WDR44: variants seen among roughly 807,000 people sequenced by gnomAD.
WDR44 encodes WD repeat-containing protein 44.
WDR44 carries 9 observed loss-of-function variants against 65.7 expected under a neutral mutation model. That is an observed-to-expected ratio of 0.14 (90% CI 0.08 to 0.24). The LOEUF (loss-of-function observed/expected upper bound fraction) is 0.24, where lower values mean the gene tolerates loss of function less well. Among genes scored for constraint, WDR44 ranks in the 10% least tolerant of loss-of-function variants. The probability of loss-of-function intolerance (pLI) is 1.00; values close to 1 mark genes in which losing one functional copy is unlikely to be tolerated. For missense variants in WDR44, 425 were observed against 670.9 expected (o/e 0.63, Z 4.05); for synonymous variants, 220 against 235.2 (o/e 0.94, Z 0.59).
At chrX:118,387,729 C>G (rs1038447446) in intron 3 of WDR44, among the ~76,000 whole-genome samples, 2 of 111,624 alleles carry the variant, frequency 1.8e-5, no homozygotes, top group African/African-American at 3.3e-5. Flanking sequence ...TTGAAAAGCT[C>G]AGTGCAGCAA....
chrX:118,371,007 C>A (rs35215424), intron 1 of WDR44, among the ~76,000 whole-genome samples: 12,727 of 110,316 alleles, frequency 0.12, 676 homozygotes, highest in Admixed American at 0.25. Context: ...GGAATTCAAA[C>A]AACTCAGTAG....
At chrX:118,378,354 T>C in intron 1 of WDR44, 65 bp from the exon 2 acceptor site, 2 of 890,581 alleles carry the variant, frequency 2.2e-6, no homozygotes, top group Non-Finnish European at 3.2e-6. Flanking sequence ...CTGTAGTAAG[T>C]GTATAGAAGT....
In WDR44 at chrX:118,387,346, G is replaced by A; in HGVS notation, c.118G>A (p.Glu40Lys). 1 of 1,188,929 alleles carries A rather than the reference G, an allele frequency of 8.4e-7. No homozygotes were observed. Among genetic ancestry groups the A allele is most frequent in the Non-Finnish European group, 1.1e-6 (1 of 883,042 alleles). Residue 40 changes from glutamate (E) to lysine (K), a missense_variant, in exon 3 of 20, where the codon GAG (glutamate) becomes AAG (lysine). Around this residue, in one of 5 missense-constraint regions of WDR44, gnomAD observed 193 missense variants for 209.0 expected, o/e 0.92. Coordinates refer to ENST00000254029, the MANE Select transcript of WDR44 (RefSeq NM_019045.5). ...TCTTTTCTTTTTCAAACAGGAAACA[G>A]AGAACACTGCATACAAAGTTGGAAA... ...KVGLSTFKET[E>K]NTAYKVGNES...
At chrX:118,372,414 C>A (rs991516267) in intron 1 of WDR44, among the ~76,000 whole-genome samples, 6 of 111,647 alleles carry the variant, frequency 5.4e-5, no homozygotes, top group African/African-American at 2.0e-4. Flanking sequence ...TCTACTGTTA[C>A]TATCTCTACT....
At position 118,346,443 on chromosome X, in the gene WDR44, G is replaced by A; in HGVS notation, c.-61G>A. ...CCCGGGTGGAGGTCGACGAGGAGGA[G>A]ACAAGAGTCACCCTTCCTCCAGGCG... is the stretch of plus-strand genomic sequence containing the variant. On this transcript the variant is annotated 5_prime_UTR_variant, in exon 1 of 20. Coordinates refer to ENST00000254029, the MANE Select transcript of WDR44 (RefSeq NM_019045.5). 9.4e-7 allele frequency: 1 copy of A among 1,068,720 alleles called. No individual in the cohort carries two copies. Among genetic ancestry groups the A allele is most frequent in the Non-Finnish European group, 1.3e-6 (1 of 767,215 alleles). The allele number at this position is 1,068,720 out of a possible 1,213,427, so 88.1% of individuals were successfully genotyped here.
At chrX:118,382,707 G>C (rs2056730169) in intron 2 of WDR44, among the ~76,000 whole-genome samples, 1 of 110,982 alleles carries the variant, frequency 9.0e-6, no homozygotes. Context: ...AATACTGCAG[G>C]GGGGTTATAG....
rs950395511 is a variant in WDR44, at chrX:118,346,428, G to A, written c.-76G>A. 1 of 938,167 alleles carries A rather than the reference G, an allele frequency of 1.1e-6. No individual in the cohort carries two copies. Among genetic ancestry groups the A allele is most frequent in the Non-Finnish European group, 1.5e-6 (1 of 652,863 alleles). 77.3% of individuals were successfully genotyped at this position (938,167 alleles called of 1,213,427 possible). A position where few individuals can be genotyped will look rare whatever the true frequency, so the allele number is the denominator to read the frequency against. ...ACTTCCCCAGTCTCGCCCGGGTGGA[G>A]GTCGACGAGGAGGAGACAAGAGTCA... On this transcript the variant is annotated 5_prime_UTR_variant, in exon 1 of 20. Transcript: ENST00000254029.
At chrX:118,378,376 C>T (rs1047824323) in intron 1 of WDR44, 43 bp from the exon 2 acceptor site, 2 of 1,122,125 alleles carry the variant, frequency 1.8e-6, no homozygotes, top group African/African-American at 1.8e-5. Flanking sequence ...TTTGTCTTCT[C>T]ATCTCCTCTA....
intron 1 of WDR44, among the ~76,000 whole-genome samples, chrX:118,346,900 G>A (rs2056356017): frequency 8.9e-6 from 1 of 111,883 alleles, no homozygotes; most frequent in African/African-American, 3.2e-5. Context: ...ATTTGTATCT[G>A]TGGGGTTCTG....
intron 12 of WDR44, among the ~76,000 whole-genome samples, chrX:118,415,386 T>C (rs181219316): frequency 8.9e-6 from 1 of 112,192 alleles, no homozygotes; most frequent in East Asian, 2.8e-4. Flanking sequence ...TGGGTGATGC[T>C]GGCTTCATAG....
At chrX:118,361,294 G>T (rs2056509469) in intron 1 of WDR44, among the ~76,000 whole-genome samples, 1 of 111,973 alleles carries the variant, frequency 8.9e-6, no homozygotes, top group Admixed American at 9.6e-5. Context: ...AAGGGTTCAT[G>T]TGTTCGTTTT....
intron 1 of WDR44, among the ~76,000 whole-genome samples, chrX:118,364,566 A>G (rs1162787955): frequency 4.4e-5 from 5 of 112,393 alleles, no homozygotes; most frequent in East Asian, 2.8e-4. Context: ...TTGTATTTCA[A>G]TGCCTGAAAG....
chrX:118,419,243 C>T (rs1392069601), intron 12 of WDR44, among the ~76,000 whole-genome samples: 1 of 111,771 alleles, frequency 8.9e-6, no homozygotes, highest in African/African-American at 3.3e-5. Context: ...TGGAGACTTC[C>T]TTCTCCCTAT....
At chrX:118,419,479 G>A (rs1219623334) in intron 12 of WDR44, among the ~76,000 whole-genome samples, 3 of 108,252 alleles carry the variant, frequency 2.8e-5, no homozygotes, top group African/African-American at 1.0e-4. Flanking sequence ...GTTCCGGAGA[G>A]GAGGATCTCC....
rs780126341 is a variant in WDR44, at chrX:118,426,806, C to CA, written c.1738-5969dup. Among the ~76,000 whole-genome samples, 67 of 109,504 alleles carry CA rather than the reference C, an allele frequency of 6.1e-4. 1 individual carries two copies. The East Asian group carries it at 0.017, about 28-fold the overall frequency. ...GGAATAATCAAGAAAAAATAAATAC[C>CA]AAAAAATAGAACAAAAAACAAAAAC... is the stretch of plus-strand genomic sequence containing the variant. On this transcript the variant is annotated intron_variant, in intron 12 of 19. Coordinates refer to ENST00000254029, the MANE Select transcript of WDR44 (RefSeq NM_019045.5).
intron 6 of WDR44, among the ~76,000 whole-genome samples, chrX:118,396,446 A>G (rs1362958849): frequency 1.8e-5 from 2 of 112,561 alleles, no homozygotes; most frequent in Non-Finnish European, 3.8e-5. Flanking sequence ...AATGTGGTAT[A>G]TTCATACCAT....
chrX:118,364,005 A>C (rs1327718307), intron 1 of WDR44, among the ~76,000 whole-genome samples: 1 of 112,064 alleles, frequency 8.9e-6, no homozygotes, highest in Non-Finnish European at 1.9e-5. Flanking sequence ...GATTGTTCAG[A>C]TATATTATAT....
chrX:118,407,502 CAAAAA>C, intron 10 of WDR44, among the ~76,000 whole-genome samples: 1 of 56,970 alleles, frequency 1.8e-5, no homozygotes, highest in South Asian at 8.6e-4. Flanking sequence ...AACTCCGTCT[CAAAAA>C]AAAAAAAAAA....
intron 12 of WDR44, among the ~76,000 whole-genome samples, chrX:118,414,040 G>T (rs1006877573): frequency 9.0e-6 from 1 of 110,880 alleles, no homozygotes; most frequent in African/African-American, 3.3e-5. Flanking sequence ...CCATTGGTCT[G>T]TGTGCCTATG....
Sources: gnomAD v4.1 joint callset for allele counts (sites outside exome capture counted in the v4.1 genomes callset) on GRCh38, gnomAD v4.1.1 for gene constraint, gnomAD v4.1.1 regional missense constraint, MANE v1.5 for transcripts, NCBI Gene and HGNC (gene_info 2026-07-23, HGNC 2026-07-21) for gene names.